Variants in UBE2G1 observed in about 807,000 individuals in gnomAD.
UBE2G1 encodes ubiquitin conjugating enzyme E2 G1.
A neutral mutation model predicts 22.7 loss-of-function variants in UBE2G1; 5 were observed. The ratio of observed to expected loss-of-function variants is 0.22; its 90% confidence interval spans 0.12 to 0.46. UBE2G1 has a LOEUF of 0.46. Among genes scored for constraint, UBE2G1 ranks in the 20% least tolerant of loss-of-function variants. The probability of loss-of-function intolerance (pLI) is 0.99; values close to 1 mark genes in which losing one functional copy is unlikely to be tolerated. For synonymous variants in UBE2G1, 74 were observed against 67.5 expected, an observed-to-expected ratio of 1.10 and a Z score of -0.47; for missense variants, 88 against 203.9, an observed-to-expected ratio of 0.43 and a Z score of 3.46.
chr17:4,293,268 T>C (rs953835358), intron 3 of UBE2G1, among the ~76,000 whole-genome samples: 1 of 152,230 alleles, frequency 6.6e-6, no homozygotes, highest in Non-Finnish European at 1.5e-5. Flanking sequence ...TTTGTTCACT[T>C]AATATAATGT....
chr17:4,356,266 G>T (rs112519871), intron 1 of UBE2G1, among the ~76,000 whole-genome samples: 7,091 of 151,732 alleles, frequency 0.047, 595 homozygotes, highest in African/African-American at 0.16. Flanking sequence ...GCTGAGGCAG[G>T]AGAATCGCTT....
At position 4,300,946 on chromosome 17, in the gene UBE2G1, A is replaced by G. The variant is rs200550878; in HGVS notation, c.150-4132T>C. Among the ~76,000 whole-genome samples the G allele has an allele frequency of 4.4e-4, 67 of 151,620 alleles. 1 individual carries two copies. Among genetic ancestry groups the G allele is most frequent in the Non-Finnish European group, 6.3e-4 (43 of 67,928 alleles). Reference sequence around the variant, plus strand: ...AGACTCTGTTTTCAAACAAAAAAAAAAGAGAGAGAGAGATATGTAACCAGC... The same window carrying G: ...AGACTCTGTTTTCAAACAAAAAAAAGAGAGAGAGAGAGATATGTAACCAGC... On this transcript the variant is annotated intron_variant, in intron 2 of 5. Transcript: ENST00000396981.
intron 1 of UBE2G1, among the ~76,000 whole-genome samples, chr17:4,337,662 AAAAAG>A: frequency 6.6e-6 from 1 of 151,870 alleles, no homozygotes; most frequent in African/African-American, 2.4e-5. Flanking sequence ...TCAAAAAAAA[AAAAAG>A]AAAAGAAAAA....
chr17:4,285,821 C>T (rs1208735147), intron 4 of UBE2G1, among the ~76,000 whole-genome samples: 1 of 151,950 alleles, frequency 6.6e-6, no homozygotes, highest in South Asian at 2.1e-4. Context: ...CATGGTGGCA[C>T]GCACCTGTAG....
At chr17:4,336,496 T>C (rs1026526919) in intron 1 of UBE2G1, among the ~76,000 whole-genome samples, 23 of 152,292 alleles carry the variant, frequency 1.5e-4, no homozygotes, top group African/African-American at 5.5e-4. Flanking sequence ...GTTATAAAAC[T>C]ATATATACCA....
intron 2 of UBE2G1, among the ~76,000 whole-genome samples, chr17:4,299,430 G>A (rs1969148467): frequency 6.6e-6 from 1 of 152,070 alleles, no homozygotes. Context: ...AATGTAAAAG[G>A]ACATCAAAGC....
At chr17:4,349,733 C>T (rs971252191) in intron 1 of UBE2G1, among the ~76,000 whole-genome samples, 3 of 151,764 alleles carry the variant, frequency 2.0e-5, no homozygotes, top group Non-Finnish European at 4.4e-5. Context: ...GTCCCAGCTA[C>T]TCGGGAGGCT....
chr17:4,352,530 A>G (rs1247969201), intron 1 of UBE2G1, among the ~76,000 whole-genome samples: 3 of 152,242 alleles, frequency 2.0e-5, no homozygotes, highest in Non-Finnish European at 2.9e-5. Flanking sequence ...TAAGGCTGCT[A>G]GGGCAGAGGA....
chr17:4,287,695 T>A (rs2143694177), intron 4 of UBE2G1, among the ~76,000 whole-genome samples: 1 of 152,252 alleles, frequency 6.6e-6, no homozygotes, highest in South Asian at 2.1e-4. Context: ...AGAAAAAAGG[T>A]AAATTTTATG....
At chr17:4,328,028 A>C (rs1331326623) in intron 1 of UBE2G1, among the ~76,000 whole-genome samples, 6 of 152,170 alleles carry the variant, frequency 3.9e-5, no homozygotes, top group African/African-American at 1.4e-4. Flanking sequence ...GCCCATGTGC[A>C]GTGCAAGTAG....
At chr17:4,285,473 CATAA>C (rs1968951414) in intron 4 of UBE2G1, among the ~76,000 whole-genome samples, 1 of 152,098 alleles carries the variant, frequency 6.6e-6, no homozygotes, top group African/African-American at 2.4e-5. Flanking sequence ...CACCTTACAT[CATAA>C]ATAGACTAAG....
intron 1 of UBE2G1, among the ~76,000 whole-genome samples, chr17:4,345,358 T>C (rs1567528559): frequency 6.6e-6 from 1 of 152,240 alleles, no homozygotes; most frequent in Non-Finnish European, 1.5e-5. Flanking sequence ...GTACAAATGA[T>C]GCTCAATTTG....
chr17:4,269,444 C>T lies in UBE2G1; in HGVS notation c.*3110G>A. Reference sequence around the variant, plus strand: ...TCAAAGATGCTGAGAAGTGGCAGTACAAAAAAGGTAATTCCACCAACTGGA... The same window carrying T: ...TCAAAGATGCTGAGAAGTGGCAGTATAAAAAAGGTAATTCCACCAACTGGA... On this transcript the variant is annotated 3_prime_UTR_variant, in exon 6 of 6. Coordinates refer to ENST00000396981, the MANE Select transcript of UBE2G1 (RefSeq NM_003342.5). The T allele has an allele frequency of 5.9e-6, 1 of 169,782 alleles. No individual in the cohort carries two copies. The highest frequency in any genetic ancestry group is 1.3e-5 in the Non-Finnish European group (1 of 79,736). The allele number at this position is 169,782 out of a possible 1,614,324, so 10.5% of individuals were successfully genotyped here. A position where few individuals can be genotyped will look rare whatever the true frequency, so the allele number is the denominator to read the frequency against.
At chr17:4,350,169 G>A (rs981829306) in intron 1 of UBE2G1, among the ~76,000 whole-genome samples, 3 of 152,048 alleles carry the variant, frequency 2.0e-5, no homozygotes, top group African/African-American at 7.2e-5. Flanking sequence ...AACTAACTTA[G>A]AACATTGTTG....
chr17:4,273,828 A>G (rs1052125172), intron 5 of UBE2G1, among the ~76,000 whole-genome samples: 1 of 152,216 alleles, frequency 6.6e-6, no homozygotes, highest in Non-Finnish European at 1.5e-5. Flanking sequence ...TGCCATGCAC[A>G]ATTTTGGGCA....
intron 4 of UBE2G1, among the ~76,000 whole-genome samples, chr17:4,283,636 A>G (rs943110874): frequency 3.3e-5 from 5 of 152,192 alleles, no homozygotes; most frequent in African/African-American, 9.7e-5. Flanking sequence ...ACTAAGTACC[A>G]TTTCTACTGT....
At chr17:4,327,668 T>C (rs1428649160) in intron 1 of UBE2G1, among the ~76,000 whole-genome samples, 3 of 152,028 alleles carry the variant, frequency 2.0e-5, no homozygotes, top group Non-Finnish European at 4.4e-5. Flanking sequence ...AAGTCCAATA[T>C]ACATATCAGA....
intron 1 of UBE2G1, among the ~76,000 whole-genome samples, chr17:4,337,522 G>A (rs1393562052): frequency 9.9e-5 from 15 of 151,156 alleles, no homozygotes; most frequent in Admixed American, 6.6e-4. Flanking sequence ...GTGCGGTGGC[G>A]CATGCCTGTA....
intron 2 of UBE2G1, chr17:4,302,059 T>A: frequency 2.0e-6 from 1 of 503,606 alleles, no homozygotes; most frequent in Admixed American, 2.1e-5. Context: ...GGGGGGGAAG[T>A]TTTTACATTA....
Sources: gnomAD v4.1 joint callset for allele counts (sites outside exome capture counted in the v4.1 genomes callset) on GRCh38, gnomAD v4.1.1 for gene constraint, MANE v1.5 for transcripts, NCBI Gene and HGNC (gene_info 2026-07-23, HGNC 2026-07-21) for gene names.